The following DHX35 variants were observed in gnomAD, a reference collection of about 807,000 sequenced individuals.
The protein encoded by DHX35 is probable ATP-dependent RNA helicase DHX35.
In DHX35, 84 loss-of-function variants were observed where a neutral mutation model predicts 99.6. The observed-to-expected ratio is 0.84, with a 90% CI of 0.71 to 1.01. DHX35 has a LOEUF of 1.01. Ranked by LOEUF, DHX35 falls within the 50% of genes least tolerant of loss-of-function variation. The probability of loss-of-function intolerance (pLI) is 0.00; values close to 1 mark genes in which losing one functional copy is unlikely to be tolerated. For synonymous variants in DHX35, 331 were observed against 316.2 expected, an observed-to-expected ratio of 1.05 and a Z score of -0.50; for missense variants, 852 against 888.5, an observed-to-expected ratio of 0.96 and a Z score of 0.52.
intron 1 of DHX35, among the ~76,000 whole-genome samples, chr20:38,968,478 A>C (rs961562398): frequency 1.3e-5 from 2 of 152,202 alleles, no homozygotes; most frequent in African/African-American, 4.8e-5. Flanking sequence ...CCAGAAGTAA[A>C]GACACTGTGC....
intron 13 of DHX35, 152 bp downstream of exon 13, chr20:39,010,556 C>G (rs946642266): frequency 2.7e-6 from 3 of 1,095,060 alleles, no homozygotes; most frequent in East Asian, 2.6e-5. Flanking sequence ...CTGTGCAGGA[C>G]GTAGGGGAAA....
chr20:39,000,129 G>A (rs905348022), intron 8 of DHX35, among the ~76,000 whole-genome samples: 12 of 152,142 alleles, frequency 7.9e-5, no homozygotes, highest in African/African-American at 2.7e-4. Context: ...TCCTGGGAAG[G>A]GATGTCTCCC....
intron 8 of DHX35, 45 bp downstream of exon 8, chr20:38,994,925 T>C (rs2086402910): frequency 1.3e-6 from 2 of 1,564,524 alleles, no homozygotes; most frequent in South Asian, 2.2e-5. Context: ...ACAAACACTT[T>C]TGTCCTATAT....
chr20:39,029,023 C>A (rs1332505607), intron 19 of DHX35, among the ~76,000 whole-genome samples: 3 of 152,134 alleles, frequency 2.0e-5, no homozygotes, highest in Non-Finnish European at 2.9e-5. Context: ...CTCATTGATG[C>A]CTTCCTAATG....
At chr20:38,980,269 G>GT (rs2086151446) in intron 3 of DHX35, among the ~76,000 whole-genome samples, 1 of 152,158 alleles carries the variant, frequency 6.6e-6, no homozygotes, top group African/African-American at 2.4e-5. Flanking sequence ...GTTGTGTTCT[G>GT]TTTATGTGTC....
chr20:38,982,057 A>G (rs2086182733), intron 3 of DHX35, among the ~76,000 whole-genome samples: 1 of 152,146 alleles, frequency 6.6e-6, no homozygotes, highest in South Asian at 2.1e-4. Flanking sequence ...TATGAATATT[A>G]AGCCATACAT....
chr20:38,980,615 A>T (rs1434900653), intron 3 of DHX35, among the ~76,000 whole-genome samples: 1 of 151,764 alleles, frequency 6.6e-6, no homozygotes, highest in Non-Finnish European at 1.5e-5. Context: ...AAAACCCTAC[A>T]TTATCTTCAA....
intron 12 of DHX35, among the ~76,000 whole-genome samples, chr20:39,009,044 A>G (rs934215218): frequency 1.3e-5 from 2 of 152,090 alleles, no homozygotes; most frequent in African/African-American, 4.8e-5. Flanking sequence ...TGTGACTCCT[A>G]CAGCTTCTGG....
Position 39,038,587 on chromosome 20 carries a change from C to G in DHX35, c.*44C>G. On this transcript the variant is annotated 3_prime_UTR_variant, in exon 22 of 22. Coordinates refer to ENST00000252011, the MANE Select transcript of DHX35 (RefSeq NM_021931.4). ...GCTGCAGGGACTGCTGGCGTCCTCT[C>G]CTCCATGCTGCTGCCCCTGGTCCCA... is the stretch of plus-strand genomic sequence containing the variant. The G allele has an allele frequency of 1.3e-6, 2 of 1,593,118 alleles. No individual in the cohort carries two copies. The highest frequency in any genetic ancestry group is 2.3e-5 in the East Asian group (1 of 44,254).
intron 12 of DHX35, 131 bp from the exon 13 acceptor site, chr20:39,010,149 T>C (rs1015692017): frequency 5.2e-6 from 6 of 1,154,058 alleles, no homozygotes; most frequent in Non-Finnish European, 7.6e-6. Flanking sequence ...TATATCATGG[T>C]ATCATGTGCA....
chr20:39,021,974 CT>C (rs761358157), intron 16 of DHX35, 39 bp downstream of exon 16: 2 of 1,603,310 alleles, frequency 1.2e-6, no homozygotes, highest in South Asian at 2.2e-5. Flanking sequence ...GTACCAGTCT[CT>C]TTTGCTTTGA....
chr20:39,022,312 C>T lies in DHX35; in HGVS notation c.1593+377C>T, dbSNP rs146383675. 6.0e-3 allele frequency among the ~76,000 whole-genome samples: 914 copies of T among 152,240 alleles called. 7 individuals are homozygous for T. Among genetic ancestry groups the T allele is most frequent in the Middle Eastern group, 0.017 (5 of 294 alleles). On this transcript the variant is annotated intron_variant, in intron 16 of 21. Transcript: ENST00000252011. ...TAGCTAGGATTACAAGCGTGCTCCA[C>T]CACGCCCGGCTAATTTTTGTATTTT...
At chr20:39,007,704 T>TG (rs1260666510) in intron 12 of DHX35, among the ~76,000 whole-genome samples, 1 of 152,056 alleles carries the variant, frequency 6.6e-6, no homozygotes, top group East Asian at 1.9e-4. Context: ...TACAAGTACT[T>TG]GCAGGGAAGG....
intron 9 of DHX35, among the ~76,000 whole-genome samples, chr20:39,002,236 G>A (rs2086532582): frequency 6.6e-6 from 1 of 152,144 alleles, no homozygotes; most frequent in Non-Finnish European, 1.5e-5. Context: ...GCATTTTTAG[G>A]AGTAGCCTAC....
At chr20:38,970,108 A>G (rs1337851286) in intron 2 of DHX35, among the ~76,000 whole-genome samples, 1 of 152,016 alleles carries the variant, frequency 6.6e-6, no homozygotes, top group African/African-American at 2.4e-5. Context: ...TCTATCTATC[A>G]GACAGGGTCT....
At position 39,021,850 on chromosome 20, in the gene DHX35, G is replaced by A; in HGVS notation, c.1508G>A (p.Gly503Asp). Residue 503 changes from glycine to aspartate, a missense_variant, in exon 16 of 22, where the codon GGC (glycine) becomes GAC (aspartate). Physicochemically the swap from Gly to Asp is moderately conservative, Grantham distance 94 (BLOSUM62 -1). Coordinates refer to ENST00000252011, the MANE Select transcript of DHX35 (RefSeq NM_021931.4). Reference sequence around the variant, plus strand: ...GCTTTTTGTTTTACAGGAAACTTCGGCTGTTCTCAGGAAATTCTAAGCATC... The same window carrying A: ...GCTTTTTGTTTTACAGGAAACTTCGACTGTTCTCAGGAAATTCTAAGCATC... ...AKMLLESGNF[G>D]CSQEILSIAA... is the part of the protein sequence containing the mutation. The A allele has an allele frequency of 1.2e-6, 2 of 1,614,062 alleles. No individual in the cohort carries two copies. The highest frequency in any genetic ancestry group is 1.3e-5 in the African/African-American group (1 of 75,034).
chr20:39,001,498 A>T (rs2086519441), intron 8 of DHX35, among the ~76,000 whole-genome samples: 1 of 152,316 alleles, frequency 6.6e-6, no homozygotes, highest in Non-Finnish European at 1.5e-5. Context: ...AACCTTTATT[A>T]TTTTTATTAA....
intron 18 of DHX35, 144 bp downstream of exon 18, chr20:39,025,503 C>A: frequency 9.5e-7 from 1 of 1,048,176 alleles, no homozygotes. Context: ...TTGCCTGCAT[C>A]TGTGAAAAGC....
At chr20:38,986,045 G>T (rs2086244162) in intron 4 of DHX35, among the ~76,000 whole-genome samples, 2 of 152,142 alleles carry the variant, frequency 1.3e-5, no homozygotes, top group Non-Finnish European at 2.9e-5. Context: ...TTCAGAATAA[G>T]CTCTAACACC....
Sources: allele counts gnomAD v4.1 joint callset (sites outside exome capture counted in the v4.1 genomes callset), GRCh38; gene constraint gnomAD v4.1.1; transcripts MANE v1.5; gene names NCBI Gene and HGNC (gene_info 2026-07-23, HGNC 2026-07-21).